Variants in FAM210A observed in about 807,000 individuals in gnomAD.
FAM210A encodes family with sequence similarity 210 member A.
Under a neutral mutation model 25.3 loss-of-function variants are expected in FAM210A, and 13 were observed. The ratio of observed to expected loss-of-function variants is 0.51; its 90% CI spans 0.33 to 0.82. The LOEUF (loss-of-function observed/expected upper bound fraction) is 0.82. Ranked by LOEUF, FAM210A falls within the 40% of genes least tolerant of loss-of-function variation. The probability of loss-of-function intolerance (pLI) is 0.02; values close to 1 mark genes in which losing one functional copy is unlikely to be tolerated. For synonymous variants in FAM210A, 125 were observed against 118.7 expected (o/e 1.05, Z -0.35); for missense variants, 319 against 323.2 (o/e 0.99, Z 0.10).
intron 2 of FAM210A, among the ~76,000 whole-genome samples, chr18:13,674,980 T>A: frequency 7.1e-6 from 1 of 141,728 alleles, no homozygotes; most frequent in East Asian, 2.3e-4. Context: ...TCCTGAGCCC[T>A]GGCTTCTTTA....
chr18:13,677,193 G>A (rs2043512040), intron 2 of FAM210A, among the ~76,000 whole-genome samples: 1 of 151,722 alleles, frequency 6.6e-6, no homozygotes, highest in Admixed American at 6.6e-5. Flanking sequence ...TCCTGCCTCA[G>A]CCTCCCGAGT....
intron 1 of FAM210A, among the ~76,000 whole-genome samples, chr18:13,708,937 A>G (rs1025026801): frequency 6.6e-6 from 1 of 152,218 alleles, no homozygotes; most frequent in Non-Finnish European, 1.5e-5. Context: ...CAGCAAATCC[A>G]GTCCTATTAT....
At chr18:13,711,117 A>T (rs1243135239) in intron 1 of FAM210A, among the ~76,000 whole-genome samples, 2 of 152,222 alleles carry the variant, frequency 1.3e-5, no homozygotes, top group Non-Finnish European at 2.9e-5. Context: ...CACGCCTGTA[A>T]TCTCAACACT....
chr18:13,672,006 C>G (rs779001199), intron 2 of FAM210A, 33 bp from the exon 3 acceptor site: 1 of 1,422,722 alleles, frequency 7.0e-7, no homozygotes, highest in Non-Finnish European at 9.8e-7. Flanking sequence ...TTCATATGTA[C>G]AAACTTTTAA....
At chr18:13,712,595 A>G (rs2043830305) in intron 1 of FAM210A, among the ~76,000 whole-genome samples, 1 of 152,238 alleles carries the variant, frequency 6.6e-6, no homozygotes, top group South Asian at 2.1e-4. Context: ...AAAGAGACTC[A>G]AGAGAGCTCA....
intron 1 of FAM210A, among the ~76,000 whole-genome samples, chr18:13,724,477 G>A (rs2043918770): frequency 6.6e-6 from 1 of 152,102 alleles, no homozygotes; most frequent in Non-Finnish European, 1.5e-5. Flanking sequence ...CACTAACCTT[G>A]GCACCTAAAA....
At chr18:13,678,809 A>G (rs555529560) in intron 2 of FAM210A, among the ~76,000 whole-genome samples, 17 of 152,352 alleles carry the variant, frequency 1.1e-4, no homozygotes, top group African/African-American at 3.8e-4. Context: ...CAAGGACAAA[A>G]GCACATTCAC....
chr18:13,674,033 C>T (rs1194052720), intron 2 of FAM210A, among the ~76,000 whole-genome samples: 1 of 149,966 alleles, frequency 6.7e-6, no homozygotes, highest in Non-Finnish European at 1.5e-5. Flanking sequence ...TATTAACATT[C>T]CTGAGCCCTG....
intron 2 of FAM210A, among the ~76,000 whole-genome samples, chr18:13,678,344 C>T (rs555843635): frequency 6.8e-6 from 1 of 148,042 alleles, no homozygotes; most frequent in East Asian, 2.0e-4. Flanking sequence ...GATCTCGGCT[C>T]ATGGCAACCT....
intron 1 of FAM210A, among the ~76,000 whole-genome samples, chr18:13,694,464 C>T (rs1317165802): frequency 6.6e-6 from 1 of 152,228 alleles, no homozygotes; most frequent in South Asian, 2.1e-4. Context: ...TGACTTCAAA[C>T]TATACTACAA....
At position 13,696,390 on chromosome 18, in the gene FAM210A, T is replaced by C. The variant is rs368954506; in HGVS notation, c.-28-14285A>G. ...TAAGTTGGACTTCACTAAAAAAACA[T>C]CTACAACTCTGCAACACATACTGCT... On this transcript the variant is annotated intron_variant, in intron 1 of 3. Coordinates refer to ENST00000651643, the MANE Select transcript of FAM210A (RefSeq NM_152352.4). 5.9e-5 allele frequency among the ~76,000 whole-genome samples: 9 copies of C among 152,270 alleles called. No homozygotes were observed. In the South Asian group the frequency reaches 1.9e-3, roughly 32 times the overall value.
intron 1 of FAM210A, 60 bp from the exon 2 acceptor site, chr18:13,682,165 T>C: frequency 8.8e-7 from 1 of 1,138,430 alleles, no homozygotes. Context: ...TTAAATCAAT[T>C]CATTTGAAAA....
At chr18:13,691,034 G>C (rs2043639630) in intron 1 of FAM210A, among the ~76,000 whole-genome samples, 1 of 152,208 alleles carries the variant, frequency 6.6e-6, no homozygotes, top group African/African-American at 2.4e-5. Flanking sequence ...TGGCTAACTA[G>C]AATAAACAGT....
chr18:13,702,968 T>G (rs1166388963), intron 1 of FAM210A, among the ~76,000 whole-genome samples: 3 of 152,128 alleles, frequency 2.0e-5, no homozygotes, highest in Admixed American at 1.3e-4. Context: ...AAGACCACTG[T>G]GGTTAAAAGT....
chr18:13,667,914 T>A (rs919791815), intron 3 of FAM210A, among the ~76,000 whole-genome samples: 1 of 152,064 alleles, frequency 6.6e-6, no homozygotes, highest in African/African-American at 2.4e-5. Flanking sequence ...GAAAAATACT[T>A]AGCCGGGAGT....
intron 1 of FAM210A, 22 bp from the exon 2 acceptor site, chr18:13,682,127 A>T: frequency 6.9e-7 from 1 of 1,441,184 alleles, no homozygotes; most frequent in Non-Finnish European, 9.4e-7. Context: ...ATTTTTCAAA[A>T]AAATTAGGTA....
At chr18:13,706,144 G>T (rs74971093) in intron 1 of FAM210A, among the ~76,000 whole-genome samples, 2,155 of 152,210 alleles carry the variant, frequency 0.014, 47 homozygotes, top group African/African-American at 0.05. Context: ...TCACAATAGA[G>T]AAGGGTCCCT....
intron 1 of FAM210A, among the ~76,000 whole-genome samples, chr18:13,696,769 A>G (rs2043697904): frequency 6.6e-6 from 1 of 152,254 alleles, no homozygotes; most frequent in Admixed American, 6.5e-5. Context: ...ATAAAAATAA[A>G]GGTAAGCTAA....
chr18:13,720,982 C>A (rs1215283189), intron 1 of FAM210A, among the ~76,000 whole-genome samples: 1 of 152,142 alleles, frequency 6.6e-6, no homozygotes, highest in African/African-American at 2.4e-5. Flanking sequence ...TATAAGGACA[C>A]CAGTTGTGTT....
Sources: allele counts gnomAD v4.1 joint callset (sites outside exome capture counted in the v4.1 genomes callset), GRCh38; gene constraint gnomAD v4.1.1; transcripts MANE v1.5; gene names NCBI Gene and HGNC (gene_info 2026-07-23, HGNC 2026-07-21).